ZSWIM5: variants seen among roughly 807,000 people sequenced by gnomAD.
The protein encoded by ZSWIM5 is zinc finger SWIM-type containing 5.
In ZSWIM5, 55 loss-of-function variants were observed where a neutral mutation model predicts 119.6. The ratio of observed to expected loss-of-function variants is 0.46; its 90% confidence interval spans 0.37 to 0.58. The LOEUF (loss-of-function observed/expected upper bound fraction) is 0.58. ZSWIM5 is among the 20% of genes least tolerant of loss of function. ZSWIM5 has a pLI of 0.00. For missense variants in ZSWIM5, 1,193 were observed against 1,512.8 expected (o/e 0.79, Z 3.51); for synonymous variants, 537 against 606.9 (o/e 0.88, Z 1.69).
intron 1 of ZSWIM5, among the ~76,000 whole-genome samples, chr1:45,168,286 G>C (rs570218312): frequency 1.3e-5 from 2 of 151,802 alleles, no homozygotes; most frequent in Non-Finnish European, 2.9e-5. Context: ...AGAACACTTG[G>C]ACACAGGGTT....
Position 45,035,835 on chromosome 1 carries a change from T to C in ZSWIM5, c.2156-12A>G, listed in dbSNP as rs371031471. The C allele has an allele frequency of 2.5e-6, 4 of 1,612,128 alleles. No homozygotes were observed. The highest frequency in any genetic ancestry group is 2.2e-5 in the South Asian group (2 of 91,014). ...GCTGAAAGGACCTCCTGGAGGAAGA[T>C]AAGCCAGCCAGTTATTTATCTGTAT... is the stretch of plus-strand genomic sequence containing the variant. On this transcript the variant is annotated splice_polypyrimidine_tract_variant and intron_variant, in intron 9 of 13. Transcript: ENST00000359600.
rs376352567 is a variant in ZSWIM5 at position 45,060,186 on chromosome 1, T to C, written c.1014A>G (p.Glu338=). Residue 338 remains glutamate (E), a synonymous_variant, in exon 3 of 14, where the codon GAA becomes GAG. Coordinates refer to ENST00000359600, the MANE Select transcript of ZSWIM5 (RefSeq NM_020883.2). ...IDDENCWHLD[E]EQVKEQVKLF... is the part of the protein sequence containing the mutation. ...GCTTCACTTGTTCTTTCACCTGTTCTTCATCCAAATGCCAACAGTTCTCAT... is the reference window on the plus strand; with the variant it reads ...GCTTCACTTGTTCTTTCACCTGTTCCTCATCCAAATGCCAACAGTTCTCAT... The C allele has an allele frequency of 1.9e-6, 3 of 1,614,184 alleles. No individual in the cohort carries two copies. Among genetic ancestry groups the C allele is most frequent in the Non-Finnish European group, 2.5e-6 (3 of 1,180,022 alleles).
chr1:45,095,944 C>G (rs1570092347), intron 1 of ZSWIM5, among the ~76,000 whole-genome samples: 1 of 152,046 alleles, frequency 6.6e-6, no homozygotes. Flanking sequence ...AGGCTCTTAA[C>G]AAAAACAGTA....
At chr1:45,172,166 C>T (rs1645949449) in intron 1 of ZSWIM5, among the ~76,000 whole-genome samples, 1 of 151,910 alleles carries the variant, frequency 6.6e-6, no homozygotes, top group Non-Finnish European at 1.5e-5. Flanking sequence ...AGTGTTAGAA[C>T]CAAAATGTGA....
chr1:45,074,016 T>A lies in ZSWIM5; in HGVS notation c.953-13769A>T, dbSNP rs1277754993. On this transcript the variant is annotated intron_variant, in intron 2 of 13. Transcript: ENST00000359600. Reference sequence around the variant, plus strand: ...ATATGGTTTTTATCCTTTATTCTGCTGATATGATGTATCATATTGATTGAT... The same window carrying A: ...ATATGGTTTTTATCCTTTATTCTGCAGATATGATGTATCATATTGATTGAT... 2.0e-5 allele frequency among the ~76,000 whole-genome samples: 3 copies of A among 152,020 alleles called. 1 individual carries two copies. Among genetic ancestry groups the A allele is most frequent in the East Asian group, 1.9e-4 (1 of 5,202 alleles).
At chr1:45,186,791 A>C (rs1206281016) in intron 1 of ZSWIM5, among the ~76,000 whole-genome samples, 3 of 152,024 alleles carry the variant, frequency 2.0e-5, no homozygotes, top group Admixed American at 2.0e-4. Context: ...GGGTTTTGCC[A>C]TGTTGGCCAG....
At chr1:45,023,163 C>T (rs566548918) in intron 11 of ZSWIM5, among the ~76,000 whole-genome samples, 2 of 152,278 alleles carry the variant, frequency 1.3e-5, no homozygotes, top group Admixed American at 1.3e-4. Flanking sequence ...CAAATGTATG[C>T]TATTAATCCA....
At chr1:45,032,734 G>A (rs923484579) in intron 11 of ZSWIM5, among the ~76,000 whole-genome samples, 2 of 151,648 alleles carry the variant, frequency 1.3e-5, no homozygotes, top group African/African-American at 4.8e-5. Flanking sequence ...TGATCTGCCC[G>A]CCTTGGCCTC....
Position 45,043,390 on chromosome 1 carries a change from A to C in ZSWIM5, c.1438T>G (p.Leu480Val). Residue 480 changes from leucine to valine, a missense_variant, in exon 6 of 14, where the codon TTA becomes GTA. This residue lies in a region of ZSWIM5 where 961 missense variants were observed against 1,290.0 expected (regional missense o/e 0.74). Coordinates refer to ENST00000359600, the MANE Select transcript of ZSWIM5 (RefSeq NM_020883.2). ...PQSAIHSPDSLSRPRRTVFTR... is the reference protein window; with the variant it reads ...PQSAIHSPDSVSRPRRTVFTR... Reference sequence around the variant, plus strand: ...AATACTGTTCGTCTTGGTCTGGATAAGGAGTCTGGAGAAAGAAGAACATGC... The same window carrying C: ...AATACTGTTCGTCTTGGTCTGGATACGGAGTCTGGAGAAAGAAGAACATGC... 1.2e-6 allele frequency: 2 copies of C among 1,614,100 alleles called. No individual in the cohort carries two copies. The highest frequency in any genetic ancestry group is 1.7e-6 in the Non-Finnish European group (2 of 1,179,964).
chr1:45,150,331 C>T (rs1645789145), intron 1 of ZSWIM5, among the ~76,000 whole-genome samples: 1 of 152,004 alleles, frequency 6.6e-6, no homozygotes, highest in Non-Finnish European at 1.5e-5. Flanking sequence ...AATAAAAACA[C>T]CAGAAACTAT....
intron 6 of ZSWIM5, among the ~76,000 whole-genome samples, chr1:45,042,253 C>T (rs1645021659): frequency 1.3e-5 from 2 of 152,116 alleles, no homozygotes; most frequent in South Asian, 4.1e-4. Flanking sequence ...ATGAGAGTAC[C>T]TAGCTCCATG....
intron 1 of ZSWIM5, among the ~76,000 whole-genome samples, chr1:45,099,400 ATAAT>A: frequency 6.6e-6 from 1 of 152,308 alleles, no homozygotes; most frequent in Admixed American, 6.5e-5. Flanking sequence ...AATTGAGGCA[ATAAT>A]TAATATCCTA....
chr1:45,078,169 C>T (rs535038543), intron 2 of ZSWIM5, among the ~76,000 whole-genome samples: 1 of 152,258 alleles, frequency 6.6e-6, no homozygotes, highest in South Asian at 2.1e-4. Context: ...TTAGAGATTG[C>T]AGTAAAGACA....
Position 45,051,144 on chromosome 1 carries a change from CTCCAGGGGACAGACA to C in ZSWIM5, c.1347_1361del (p.Asp449_Leu453del), listed in dbSNP as rs1183890655. The stretch of plus-strand genomic sequence containing the variant: ...GCAGCTCATGTCCATAGTTTCCATC[CTCCAGGGGACAGACA>C]TCCAGGTCGCTCCACTTCTGCAGCT... On this transcript the variant is annotated inframe_deletion, in exon 5 of 14. Transcript: ENST00000359600. 6.2e-7 allele frequency: 1 copy of C among 1,614,066 alleles called. No individual in the cohort carries two copies. Among genetic ancestry groups the C allele is most frequent in the Non-Finnish European group, 8.5e-7 (1 of 1,180,036 alleles).
intron 1 of ZSWIM5, among the ~76,000 whole-genome samples, chr1:45,180,628 C>A (rs1646011200): frequency 1.3e-5 from 2 of 152,154 alleles, no homozygotes; most frequent in South Asian, 4.1e-4. Flanking sequence ...CAGACTGCCT[C>A]CTCAAGTGGG....
intron 1 of ZSWIM5, among the ~76,000 whole-genome samples, chr1:45,191,419 T>C (rs1453575188): frequency 1.3e-5 from 2 of 152,142 alleles, no homozygotes; most frequent in Non-Finnish European, 2.9e-5. Flanking sequence ...AGAGAAACAG[T>C]GTAGTTCACC....
intron 1 of ZSWIM5, among the ~76,000 whole-genome samples, chr1:45,185,822 C>A (rs1296563435): frequency 6.6e-6 from 1 of 152,166 alleles, no homozygotes; most frequent in Non-Finnish European, 1.5e-5. Context: ...ACTAGTTCAA[C>A]CATTGTGGAA....
At chr1:45,196,181 T>G (rs72684488) in intron 1 of ZSWIM5, among the ~76,000 whole-genome samples, 7,259 of 150,690 alleles carry the variant, frequency 0.048, 223 homozygotes, top group East Asian at 0.11. Context: ...GGCCAGGTGA[T>G]CATTTTTCTA....
In ZSWIM5 at chr1:45,197,806, A is replaced by G. The variant is rs184127844; in HGVS notation, c.595+7950T>C. Among the ~76,000 whole-genome samples the G allele has an allele frequency of 4.5e-4, 68 of 152,358 alleles. 1 individual carries two copies. Among genetic ancestry groups the G allele is most frequent in the Admixed American group, 2.5e-3 (39 of 15,310 alleles). ...AAAAAGGATAAGACATTAGTTTGAA[A>G]AGAGCCCCTATCAGAGAAACATGAA... On this transcript the variant is annotated intron_variant, in intron 1 of 13. Transcript: ENST00000359600.
Sources: gnomAD v4.1 joint callset for allele counts (sites outside exome capture counted in the v4.1 genomes callset) on GRCh38, gnomAD v4.1.1 for gene constraint, gnomAD v4.1.1 regional missense constraint, MANE v1.5 for transcripts, NCBI Gene and HGNC (gene_info 2026-07-23, HGNC 2026-07-21) for gene names.